Variants in SPATA13 observed in about 807,000 individuals in gnomAD.
SPATA13 encodes spermatogenesis-associated protein 13.
Under a neutral mutation model 104.0 loss-of-function variants are expected in SPATA13, and 50 were observed. The observed-to-expected ratio is 0.48, with a 90% CI of 0.38 to 0.61. SPATA13 has a LOEUF of 0.61. SPATA13 is among the 20% of genes least tolerant of loss of function. The pLI, the probability that SPATA13 is intolerant of heterozygous loss-of-function variation, is 0.00. For missense variants in SPATA13, 1,524 were observed against 1,690.6 expected (o/e 0.90, Z 1.73); for synonymous variants, 606 against 667.5 (o/e 0.91, Z 1.42).
chr13:24,246,592 G>A (rs1212196701), intron 2 of SPATA13, among the ~76,000 whole-genome samples: 2 of 152,194 alleles, frequency 1.3e-5, no homozygotes, highest in East Asian at 3.8e-4. Flanking sequence ...GGGTGTGGTG[G>A]CTCACGCCTG....
intron 3 of SPATA13, among the ~76,000 whole-genome samples, chr13:24,056,029 A>G (rs1439330961): frequency 6.6e-6 from 1 of 152,226 alleles, no homozygotes; most frequent in Non-Finnish European, 1.5e-5. Flanking sequence ...TGTTAACAAC[A>G]GGCTTTATGG....
intron 1 of SPATA13, among the ~76,000 whole-genome samples, chr13:24,209,686 A>G (rs9670766): frequency 0.23 from 35,129 of 152,180 alleles, 4,440 homozygotes; most frequent in South Asian, 0.3. Flanking sequence ...ACTTAGGTCA[A>G]TTGCGTATCT....
chr13:24,026,196 G>T (rs930634254), intron 3 of SPATA13, among the ~76,000 whole-genome samples: 6 of 152,164 alleles, frequency 3.9e-5, no homozygotes, highest in Non-Finnish European at 8.8e-5. Context: ...ATGAACAGAA[G>T]TTCTTAATGT....
intron 1 of SPATA13, among the ~76,000 whole-genome samples, chr13:24,208,586 C>T (rs1296957446): frequency 2.0e-5 from 2 of 99,634 alleles, no homozygotes; most frequent in African/African-American, 3.7e-5. Context: ...TGGGGACTTT[C>T]CAGACTGATC....
At chr13:24,174,763 G>A (rs1883148108) in intron 1 of SPATA13, among the ~76,000 whole-genome samples, 1 of 152,062 alleles carries the variant, frequency 6.6e-6, no homozygotes, top group Non-Finnish European at 1.5e-5. Flanking sequence ...TTTTTTAGTA[G>A]AGACAGGGTT....
chr13:24,283,218 C>T (rs1276676787), intron 4 of SPATA13, among the ~76,000 whole-genome samples: 1 of 152,234 alleles, frequency 6.6e-6, no homozygotes, highest in African/African-American at 2.4e-5. Context: ...TTGCTTCAGA[C>T]TCTCCCTATT....
intron 2 of SPATA13, among the ~76,000 whole-genome samples, chr13:23,990,374 A>G (rs187332944): frequency 3.2e-4 from 48 of 151,994 alleles, no homozygotes; most frequent in Non-Finnish European, 5.9e-4. Flanking sequence ...GCCCTGGCTC[A>G]CTCCCTCTGT....
rs1047447013 is a variant in SPATA13 at position 24,051,612 on chromosome 13, G to T, written c.-112+33911G>T. Among the ~76,000 whole-genome samples, 24 of 152,154 alleles carry T rather than the reference G, an allele frequency of 1.6e-4. 1 individual carries two copies. The highest frequency in any genetic ancestry group is 5.6e-4 in the African/African-American group (23 of 41,438). The stretch of plus-strand genomic sequence containing the variant: ...CTGCTGGTCTAGTAGAGTGGAGCCA[G>T]CGGAGACAATGCTCCCTGTTTGGGG... On this transcript the variant is annotated intron_variant, in intron 3 of 14. Coordinates refer to the SPATA13 transcript ENST00000424834. This position sits in a 1 kb window ranked among gnomAD's most constrained non-coding sequence, Gnocchi z 4.2.
intron 2 of SPATA13, among the ~76,000 whole-genome samples, chr13:23,999,289 AT>A: frequency 7.5e-6 from 1 of 133,308 alleles, no homozygotes; most frequent in African/African-American, 2.9e-5. Context: ...TAGGTCCTCC[AT>A]TTTTTTCCAA....
At position 24,228,156 on chromosome 13, in the gene SPATA13, T is replaced by C. The variant is rs1235568958; in HGVS notation, c.1653+3574T>C. 2.8e-4 allele frequency among the ~76,000 whole-genome samples: 38 copies of C among 135,896 alleles called. No individual in the cohort carries two copies. The Admixed American group carries it at 2.9e-3, about 10-fold the overall frequency. The allele number at this position is 135,896 out of a possible 152,430, so 89.2% of individuals were successfully genotyped here. A position where few individuals can be genotyped will look rare whatever the true frequency, so the allele number is the denominator to read the frequency against. On this transcript the variant is annotated intron_variant, in intron 2 of 12. Coordinates refer to ENST00000382108, the MANE Select transcript of SPATA13 (RefSeq NM_001166271.3). ...TGAGACGGAGTCTAACTGTGTCGCC[T>C]AGGCTGGAGTGCAGTGGCGTAATCT... is the stretch of plus-strand genomic sequence containing the variant.
Position 24,161,022 on chromosome 13 carries a change from C to G in SPATA13, c.-112+90C>G. 2.5e-6 allele frequency: 2 copies of G among 798,330 alleles called. No homozygotes were observed. Among genetic ancestry groups the G allele is most frequent in the Non-Finnish European group, 3.0e-6 (2 of 658,516 alleles). 49.5% of individuals were successfully genotyped at this position (798,330 alleles called of 1,614,324 possible). On this transcript the variant is annotated intron_variant, in intron 1 of 12. Coordinates refer to ENST00000382108, the MANE Select transcript of SPATA13 (RefSeq NM_001166271.3). This position sits in a 1 kb window ranked among gnomAD's most constrained non-coding sequence, Gnocchi z 4.5. Reference sequence around the variant, plus strand: ...TCGGGAGGATTTGAGTCCCAGTGGACTGCCTCGGGGCTTCGGGATGTCCAG... The same window carrying G: ...TCGGGAGGATTTGAGTCCCAGTGGAGTGCCTCGGGGCTTCGGGATGTCCAG...
chr13:24,028,473 T>A (rs1405153308), intron 3 of SPATA13, among the ~76,000 whole-genome samples: 2 of 152,246 alleles, frequency 1.3e-5, no homozygotes, highest in Non-Finnish European at 2.9e-5. Flanking sequence ...TGGTTGCAGT[T>A]GTGATGTCAG....
chr13:24,244,861 TAAATA>T (rs527434857), intron 2 of SPATA13, among the ~76,000 whole-genome samples: 91 of 152,194 alleles, frequency 6.0e-4, no homozygotes, highest in Admixed American at 1.2e-3. Flanking sequence ...GCAAAATAAA[TAAATA>T]AAATAAAATA....
At chr13:24,280,693 G>A (rs565845621) in intron 4 of SPATA13, among the ~76,000 whole-genome samples, 1 of 152,144 alleles carries the variant, frequency 6.6e-6, no homozygotes, top group Admixed American at 6.5e-5. Context: ...CTTGGGCCTC[G>A]TGGTCTGGGC....
At chr13:24,102,103 G>A (rs7320787) in intron 3 of SPATA13, among the ~76,000 whole-genome samples, 10,887 of 152,182 alleles carry the variant, frequency 0.072, 440 homozygotes, top group Non-Finnish European at 0.08. Flanking sequence ...CACTAACAGC[G>A]CGTAGGGTTC....
At chr13:24,174,364 T>C (rs1309255611) in intron 1 of SPATA13, among the ~76,000 whole-genome samples, 1 of 151,974 alleles carries the variant, frequency 6.6e-6, no homozygotes, top group Non-Finnish European at 1.5e-5. Context: ...TTCTTTCTTC[T>C]GCTTGCTTTA....
chr13:24,253,672 G>T (rs779351379), intron 4 of SPATA13, among the ~76,000 whole-genome samples: 4 of 152,196 alleles, frequency 2.6e-5, no homozygotes, highest in Admixed American at 6.5e-5. Context: ...GTAATGTGAG[G>T]AGTAGGAGCA....
chr13:24,111,395 C>T (rs972113908), intron 3 of SPATA13, among the ~76,000 whole-genome samples: 2 of 152,056 alleles, frequency 1.3e-5, no homozygotes, highest in African/African-American at 4.8e-5. Flanking sequence ...TGATTGCATC[C>T]TCTCTGTCCT....
At chr13:24,233,284 G>A (rs895732900) in intron 2 of SPATA13, among the ~76,000 whole-genome samples, 6 of 152,172 alleles carry the variant, frequency 3.9e-5, no homozygotes, top group Admixed American at 3.3e-4. Context: ...AATTGAACAT[G>A]TTGTTGCAGG....
Sources: gnomAD v4.1 joint callset for allele counts (sites outside exome capture counted in the v4.1 genomes callset) on GRCh38, gnomAD v4.1.1 for gene constraint, Gnocchi (gnomAD v3.1) non-coding constraint, MANE v1.5 for transcripts, NCBI Gene and HGNC (gene_info 2026-07-23, HGNC 2026-07-21) for gene names.